Variants in RBMS3 observed in about 807,000 individuals in gnomAD.
RBMS3 encodes RNA binding motif single stranded interacting protein 3.
A neutral mutation model predicts 66.8 loss-of-function variants in RBMS3; 27 were observed. That is an observed-to-expected ratio of 0.40 (90% CI 0.30 to 0.56). The LOEUF (loss-of-function observed/expected upper bound fraction) is 0.56, where lower values mean the gene tolerates loss of function less well. Among genes scored for constraint, RBMS3 ranks in the 20% least tolerant of loss-of-function variants. The pLI is 0.40. For synonymous variants in RBMS3, 188 were observed against 183.0 expected, an observed-to-expected ratio of 1.03 and a Z score of -0.22; for missense variants, 513 against 549.5, an observed-to-expected ratio of 0.93 and a Z score of 0.66.
At chr3:29,789,035 G>C (rs1213131217) in intron 6 of RBMS3, among the ~76,000 whole-genome samples, 1 of 152,074 alleles carries the variant, frequency 6.6e-6, no homozygotes, top group Non-Finnish European at 1.5e-5. Flanking sequence ...TCCTGTTCTT[G>C]AACTCTCTTG....
intron 5 of RBMS3, among the ~76,000 whole-genome samples, chr3:29,755,377 G>A (rs1362347884): frequency 6.6e-6 from 1 of 152,144 alleles, no homozygotes; most frequent in African/African-American, 2.4e-5. Context: ...CAGTCTTTGG[G>A]ATAATTTTTT....
At chr3:29,752,303 C>T (rs537742677) in intron 5 of RBMS3, among the ~76,000 whole-genome samples, 13 of 152,250 alleles carry the variant, frequency 8.5e-5, no homozygotes, top group African/African-American at 3.1e-4. Flanking sequence ...TTCTCCTTCC[C>T]TGCCAGTGGA....
intron 4 of RBMS3, among the ~76,000 whole-genome samples, chr3:29,588,132 TA>T (rs1411552510): frequency 6.6e-6 from 1 of 152,190 alleles, no homozygotes; most frequent in East Asian, 1.9e-4. Context: ...TATTTCTAGC[TA>T]AAAAGTCAAA....
At chr3:29,705,933 G>C (rs1038085752) in intron 4 of RBMS3, among the ~76,000 whole-genome samples, 2 of 152,156 alleles carry the variant, frequency 1.3e-5, no homozygotes, top group African/African-American at 4.8e-5. Context: ...ATAGGGTATT[G>C]GCTGAGTTTT....
intron 12 of RBMS3, among the ~76,000 whole-genome samples, chr3:29,945,216 C>T (rs943523151): frequency 2.6e-5 from 4 of 151,520 alleles, no homozygotes; most frequent in African/African-American, 4.8e-5. Flanking sequence ...CTCAAAGACC[C>T]CATGGAGCAG....
intron 3 of RBMS3, among the ~76,000 whole-genome samples, chr3:29,495,980 CT>C (rs2043733299): frequency 6.6e-6 from 1 of 152,044 alleles, no homozygotes; most frequent in African/African-American, 2.4e-5. Context: ...TGGAAAGCCT[CT>C]TTTCTAGTAC....
At chr3:29,700,822 G>T (rs1162940063) in intron 4 of RBMS3, among the ~76,000 whole-genome samples, 1 of 150,538 alleles carries the variant, frequency 6.6e-6, no homozygotes, top group Non-Finnish European at 1.5e-5. Flanking sequence ...AGAGCTGCAA[G>T]TAATCTGGTT....
chr3:29,465,515 G>T (rs1424554627), intron 2 of RBMS3, among the ~76,000 whole-genome samples: 5 of 150,094 alleles, frequency 3.3e-5, no homozygotes, highest in Non-Finnish European at 7.4e-5. Context: ...TAGGGTTTGG[G>T]ACCCAAACAG....
chr3:29,613,860 C>A (rs943323811), intron 4 of RBMS3, among the ~76,000 whole-genome samples: 1 of 151,974 alleles, frequency 6.6e-6, no homozygotes, highest in African/African-American at 2.4e-5. Flanking sequence ...GAAAAAAGAA[C>A]CCTGTACACT....
chr3:29,502,735 T>C (rs902020505), intron 3 of RBMS3, among the ~76,000 whole-genome samples: 2 of 152,182 alleles, frequency 1.3e-5, no homozygotes, highest in African/African-American at 4.8e-5. Flanking sequence ...TTGGCAAATG[T>C]CTAGCTTTCT....
intron 4 of RBMS3, among the ~76,000 whole-genome samples, chr3:29,685,258 T>C (rs2051676496): frequency 6.6e-6 from 1 of 152,128 alleles, no homozygotes; most frequent in Admixed American, 6.6e-5. Flanking sequence ...AGATGGGGTT[T>C]CACCATGTTA....
At chr3:29,674,988 A>T (rs1175364410) in intron 4 of RBMS3, among the ~76,000 whole-genome samples, 1 of 152,208 alleles carries the variant, frequency 6.6e-6, no homozygotes, top group Non-Finnish European at 1.5e-5. Flanking sequence ...GCATCACGCT[A>T]CCTGACTTCA....
chr3:29,567,729 T>A (rs2046797229), intron 3 of RBMS3, among the ~76,000 whole-genome samples: 1 of 152,192 alleles, frequency 6.6e-6, no homozygotes, highest in Non-Finnish European at 1.5e-5. Flanking sequence ...CTTTTTCCCC[T>A]TTCCTCATAG....
chr3:29,667,742 G>A (rs897252498), intron 4 of RBMS3, among the ~76,000 whole-genome samples: 28 of 151,892 alleles, frequency 1.8e-4, no homozygotes, highest in African/African-American at 6.8e-4. Context: ...TCTTTCTCTG[G>A]CTTTTGTTTT....
chr3:29,297,233 A>G (rs1173642161), intron 1 of RBMS3, among the ~76,000 whole-genome samples: 1 of 151,792 alleles, frequency 6.6e-6, no homozygotes, highest in African/African-American at 2.4e-5. Flanking sequence ...TTTGGTAAAA[A>G]TGTCTTGAGG....
At chr3:29,574,993 A>T (rs775747748) in intron 3 of RBMS3, among the ~76,000 whole-genome samples, 4 of 152,094 alleles carry the variant, frequency 2.6e-5, no homozygotes, top group Non-Finnish European at 4.4e-5. Flanking sequence ...TGATTGGTTC[A>T]TCATTTAGTC....
intron 6 of RBMS3, among the ~76,000 whole-genome samples, chr3:29,789,348 TA>T (rs1301071618): frequency 6.6e-6 from 1 of 152,080 alleles, no homozygotes; most frequent in Non-Finnish European, 1.5e-5. Context: ...TAATTTTTAT[TA>T]AAAAATATTA....
At chr3:29,348,328 T>C (rs776756516) in intron 1 of RBMS3, among the ~76,000 whole-genome samples, 3 of 152,186 alleles carry the variant, frequency 2.0e-5, no homozygotes, top group South Asian at 4.1e-4. Context: ...GGCAAATTTA[T>C]CTCTAAAACT....
At chr3:29,355,744 T>A (rs1191298592) in intron 1 of RBMS3, among the ~76,000 whole-genome samples, 1 of 152,112 alleles carries the variant, frequency 6.6e-6, no homozygotes, top group Admixed American at 6.6e-5. Context: ...GTATAGTACT[T>A]CCTTTTTTTC....
Sources: gnomAD v4.1 joint callset for allele counts (sites outside exome capture counted in the v4.1 genomes callset) on GRCh38, gnomAD v4.1.1 for gene constraint, MANE v1.5 for transcripts, NCBI Gene and HGNC (gene_info 2026-07-23, HGNC 2026-07-21) for gene names.